Variants in PGPEP1L observed in about 807,000 individuals in gnomAD.
PGPEP1L encodes the protein pyroglutamyl-peptidase I like.
PGPEP1L carries 7 observed loss-of-function variants against 6.0 expected under a neutral mutation model. The observed-to-expected ratio is 1.17, with a 90% CI of 0.66 to 2.19. The LOEUF (loss-of-function observed/expected upper bound fraction) is 2.19. Ranked by LOEUF, PGPEP1L falls within the 30% of genes most tolerant of loss-of-function variation. PGPEP1L has a pLI of 0.00. For synonymous variants in PGPEP1L, 103 were observed against 83.9 expected (o/e 1.23, Z -1.24); for missense variants, 209 against 192.5 (o/e 1.09, Z -0.51).
At chr15:99,007,117 T>C (rs549745653) in intron 1 of PGPEP1L, among the ~76,000 whole-genome samples, 1 of 152,304 alleles carries the variant, frequency 6.6e-6, no homozygotes, top group South Asian at 2.1e-4. Flanking sequence ...TTTAATTAGC[T>C]CCTGGTGTGG....
intron 1 of PGPEP1L, among the ~76,000 whole-genome samples, chr15:99,006,900 G>A (rs1403198028): frequency 6.6e-6 from 1 of 152,196 alleles, no homozygotes; most frequent in African/African-American, 2.4e-5. Context: ...ATCTAGGTCT[G>A]GGGAGGAGAA....
chr15:98,981,257 C>T (rs984711858), intron 2 of PGPEP1L, among the ~76,000 whole-genome samples: 19 of 152,082 alleles, frequency 1.2e-4, no homozygotes, highest in Admixed American at 5.9e-4. Flanking sequence ...CTTTGGGAGG[C>T]CGAGGCGGGC....
intron 2 of PGPEP1L, among the ~76,000 whole-genome samples, chr15:99,000,341 T>C (rs1329357697): frequency 2.6e-5 from 4 of 152,138 alleles, no homozygotes; most frequent in Non-Finnish European, 5.9e-5. Context: ...GGCCCCCTGC[T>C]CCACGGCGCC....
chr15:98,981,709 G>A (rs376730953), intron 2 of PGPEP1L, among the ~76,000 whole-genome samples: 52 of 152,144 alleles, frequency 3.4e-4, no homozygotes, highest in East Asian at 1.7e-3. Flanking sequence ...TACTGGTTCC[G>A]TCATTGTGAC....
At chr15:98,999,953 TGAG>T (rs1377874293) in intron 2 of PGPEP1L, among the ~76,000 whole-genome samples, 5 of 152,208 alleles carry the variant, frequency 3.3e-5, no homozygotes, top group African/African-American at 9.6e-5. Flanking sequence ...TGGTGACACT[TGAG>T]GAGCCCTCCA....
At chr15:98,977,584 G>T (rs1212896984) in intron 2 of PGPEP1L, among the ~76,000 whole-genome samples, 1 of 152,212 alleles carries the variant, frequency 6.6e-6, no homozygotes, top group East Asian at 1.9e-4. Flanking sequence ...TATTCAGACT[G>T]GTTTTATGGC....
intron 1 of PGPEP1L, among the ~76,000 whole-genome samples, chr15:99,006,342 T>C (rs1273562277): frequency 2.0e-5 from 3 of 152,366 alleles, no homozygotes; most frequent in Middle Eastern, 3.4e-3. Context: ...AGTGCTTTCT[T>C]GACACTGTGC....
chr15:98,997,140 C>T (rs1411697579), intron 2 of PGPEP1L, among the ~76,000 whole-genome samples: 1 of 152,158 alleles, frequency 6.6e-6, no homozygotes, highest in Non-Finnish European at 1.5e-5. Context: ...TTTTGAGGAA[C>T]TGCCTGCAGA....
At position 98,998,091 on chromosome 15, in the gene PGPEP1L, T is replaced by C. The variant is rs1555472656; in HGVS notation, c.-142+7338A>G. The C allele has an allele frequency of 2.0e-5, 3 of 152,774 alleles. 1 individual carries two copies. In the South Asian group the frequency reaches 6.2e-4, roughly 32 times the overall value. 9.5% of individuals were successfully genotyped at this position (152,774 alleles called of 1,614,324 possible). A position where few individuals can be genotyped will look rare whatever the true frequency, so the allele number is the denominator to read the frequency against. On this transcript the variant is annotated intron_variant, in intron 2 of 4. Coordinates refer to ENST00000535714, the MANE Select transcript of PGPEP1L (RefSeq NM_001167902.2). ...TCATTGGGCGCTGAGCTCCTGGGTC[T>C]TGAGCTACAGGGTTTTTACCTTCAC...
At chr15:99,001,248 A>C (rs782608768) in intron 2 of PGPEP1L, 2 of 362,740 alleles carry the variant, frequency 5.5e-6, no homozygotes, top group South Asian at 4.0e-5. Flanking sequence ...AATTCTGGAC[A>C]CACTACCACG....
intron 3 of PGPEP1L, 142 bp from the exon 4 acceptor site, chr15:98,969,793 G>T: frequency 1.3e-6 from 1 of 765,314 alleles, no homozygotes; most frequent in Non-Finnish European, 2.1e-6. Context: ...GAAACCCCAG[G>T]ATCCCCCACC....
chr15:98,985,272 C>A (rs754003238), intron 2 of PGPEP1L, among the ~76,000 whole-genome samples: 4 of 152,218 alleles, frequency 2.6e-5, no homozygotes, highest in Admixed American at 6.5e-5. Context: ...GGCACAGTGG[C>A]TCACACCTGT....
At chr15:99,007,052 G>C (rs1219994332) in intron 1 of PGPEP1L, among the ~76,000 whole-genome samples, 6 of 152,106 alleles carry the variant, frequency 3.9e-5, no homozygotes, top group Non-Finnish European at 7.4e-5. Flanking sequence ...GATCACCCCC[G>C]CGGATTAGAC....
At chr15:98,982,431 T>C (rs925793037) in intron 2 of PGPEP1L, among the ~76,000 whole-genome samples, 1 of 152,232 alleles carries the variant, frequency 6.6e-6, no homozygotes, top group Non-Finnish European at 1.5e-5. Context: ...CAGAGTGAAC[T>C]GTGTATCACC....
At position 99,007,749 on chromosome 15, in the gene PGPEP1L, C is replaced by CA. The variant is rs1555474045; in HGVS notation, c.-761dup. The CA allele has an allele frequency of 1.3e-5, 2 of 152,236 alleles. No individual in the cohort carries two copies. The highest frequency in any genetic ancestry group is 4.8e-5 in the African/African-American group (2 of 41,442). The allele number at this position is 152,236 out of a possible 1,614,324, so 9.4% of individuals were successfully genotyped here. A position where few individuals can be genotyped will look rare whatever the true frequency, so the allele number is the denominator to read the frequency against. Reference sequence around the variant, plus strand: ...CAACGGTTATTGCAAACAAGCAAAACAACAAAACTTCCACAGCACAGAAGG... The same window carrying CA: ...CAACGGTTATTGCAAACAAGCAAAACAAACAAAACTTCCACAGCACAGAAGG... On this transcript the variant is annotated 5_prime_UTR_variant, in exon 1 of 5. Coordinates refer to ENST00000535714, the MANE Select transcript of PGPEP1L (RefSeq NM_001167902.2).
intron 2 of PGPEP1L, among the ~76,000 whole-genome samples, chr15:98,973,890 T>C (rs1416667140): frequency 6.6e-6 from 1 of 151,850 alleles, no homozygotes; most frequent in Non-Finnish European, 1.5e-5. Context: ...AAAAAAGCAA[T>C]ACAAAAGATT....
rs1405199732 is a variant in PGPEP1L at position 99,007,527 on chromosome 15, T to G, written c.-538A>C. 1 of 152,216 alleles carries G rather than the reference T, an allele frequency of 6.6e-6. No homozygotes were observed. Among genetic ancestry groups the G allele is most frequent in the Non-Finnish European group, 1.5e-5 (1 of 68,070 alleles). 9.4% of individuals were successfully genotyped at this position (152,216 alleles called of 1,614,324 possible). ...TCGGAGTTTCTTCCTTCTGGCAGAT[T>G]CGTGATCTCGCTGACTTCAGGAGTG... On this transcript the variant is annotated 5_prime_UTR_variant, in exon 1 of 5. Coordinates refer to ENST00000535714, the MANE Select transcript of PGPEP1L (RefSeq NM_001167902.2).
chr15:98,987,190 AAAAAAG>A (rs1261493284), intron 2 of PGPEP1L, among the ~76,000 whole-genome samples: 35 of 150,222 alleles, frequency 2.3e-4, no homozygotes, highest in Non-Finnish European at 3.0e-4. Context: ...AAAAAAAAAA[AAAAAAG>A]AGAGCCAATT....
At chr15:98,998,888 T>C (rs991891804) in intron 2 of PGPEP1L, among the ~76,000 whole-genome samples, 1 of 152,144 alleles carries the variant, frequency 6.6e-6, no homozygotes, top group Non-Finnish European at 1.5e-5. Flanking sequence ...GGCAGGAGAA[T>C]CGCTTGAACC....
Sources: allele counts gnomAD v4.1 joint callset (sites outside exome capture counted in the v4.1 genomes callset), GRCh38; gene constraint gnomAD v4.1.1; transcripts MANE v1.5; gene names NCBI Gene and HGNC (gene_info 2026-07-23, HGNC 2026-07-21).